TPCN1: variants seen among roughly 807,000 people sequenced by gnomAD.
TPCN1 encodes two pore segment channel 1.
Under a neutral mutation model 108.8 loss-of-function variants are expected in TPCN1, and 52 were observed. The ratio of observed to expected loss-of-function variants is 0.48; its 90% CI spans 0.38 to 0.60. The LOEUF is 0.60. TPCN1 is among the 20% of genes least tolerant of loss of function. TPCN1 has a pLI of 0.00. For synonymous variants in TPCN1, 446 were observed against 433.7 expected, an observed-to-expected ratio of 1.03 and a Z score of -0.35; for missense variants, 806 against 1,072.8, an observed-to-expected ratio of 0.75 and a Z score of 3.47.
intron 2 of TPCN1, among the ~76,000 whole-genome samples, chr12:113,242,390 G>A (rs907076663): frequency 6.6e-6 from 1 of 152,218 alleles, no homozygotes; most frequent in African/African-American, 2.4e-5. Context: ...AAACAGTGGA[G>A]GGAAAGGTGA....
rs373482286 is a variant in TPCN1 at position 113,284,661 on chromosome 12, C to T, written c.1399+24C>T. The T allele has an allele frequency of 5.0e-5, 81 of 1,614,214 alleles. No homozygotes were observed. In the African/African-American group the frequency reaches 7.2e-4, roughly 14 times the overall value. ...AGGTGAGCCCCGCTCAGGGACTGGC[C>T]GTGTCCTGGCCGGCACACCTGGCTT... On this transcript the variant is annotated intron_variant, in intron 16 of 27. Transcript: ENST00000335509. The surrounding 1 kb of genome is among the most constrained non-coding windows in gnomAD (Gnocchi z 4.1).
intron 7 of TPCN1, among the ~76,000 whole-genome samples, chr12:113,271,082 A>AC (rs1566179002): frequency 1.3e-5 from 2 of 151,138 alleles, no homozygotes; most frequent in South Asian, 2.1e-4. Context: ...AGATAGGGAG[A>AC]CCCCATCTCT....
chr12:113,245,788 G>A (rs1593107395), intron 2 of TPCN1: 1 of 365,056 alleles, frequency 2.7e-6, no homozygotes, highest in East Asian at 7.5e-5. Flanking sequence ...GCTGCCCCCT[G>A]CGCCTGCTGG....
chr12:113,286,854 A>G (rs2136733652), intron 18 of TPCN1, 133 bp from the exon 19 acceptor site: 1 of 672,934 alleles, frequency 1.5e-6, no homozygotes, highest in Admixed American at 2.3e-5. Context: ...TTCTTCCCGC[A>G]GCCGGCTGGT....
intron 19 of TPCN1, among the ~76,000 whole-genome samples, chr12:113,287,717 AC>A (rs1956130401): frequency 6.6e-6 from 1 of 151,948 alleles, no homozygotes; most frequent in East Asian, 1.9e-4. Context: ...GGAAAAGCCT[AC>A]CCCCTTGGCG....
intron 26 of TPCN1, 68 bp downstream of exon 26, chr12:113,293,141 C>T: frequency 1.2e-6 from 2 of 1,600,598 alleles, no homozygotes; most frequent in Non-Finnish European, 1.7e-6. Context: ...AATCCCTTCC[C>T]TCAGATATTG....
intron 3 of TPCN1, among the ~76,000 whole-genome samples, chr12:113,261,934 C>T (rs573189971): frequency 2.6e-5 from 4 of 151,616 alleles, no homozygotes; most frequent in African/African-American, 7.3e-5. Flanking sequence ...AAGGAATCAA[C>T]AATTTTTAGG....
rs770166925 is a variant in TPCN1, at chr12:113,227,015, C to A, written c.112+51C>A. On this transcript the variant is annotated intron_variant, in intron 2 of 27. Coordinates refer to ENST00000335509, the MANE Select transcript of TPCN1 (RefSeq NM_017901.6). ...GACCCCAGCTTTTCTGTTTCAGAGG[C>A]TGAGAGGTGATAAGCGCTTTGTGGT... 27 of 1,505,478 alleles carry A rather than the reference C, an allele frequency of 1.8e-5. No homozygotes were observed. The East Asian group carries it at 5.7e-4, about 32-fold the overall frequency. 93.3% of individuals were successfully genotyped at this position (1,505,478 alleles called of 1,614,324 possible).
At chr12:113,233,557 T>C (rs1233951513) in intron 2 of TPCN1, among the ~76,000 whole-genome samples, 1 of 152,242 alleles carries the variant, frequency 6.6e-6, no homozygotes, top group African/African-American at 2.4e-5. Flanking sequence ...TGGGTGGCTC[T>C]CCATTCTTGC....
At position 113,245,285 on chromosome 12, in the gene TPCN1, GAAAAT is replaced by G. The variant is rs1274287011; in HGVS notation, c.113-15078_113-15074del. Among the ~76,000 whole-genome samples the G allele has an allele frequency of 2.0e-5, 3 of 148,872 alleles. No homozygotes were observed. In the East Asian group the frequency reaches 6.1e-4, roughly 30 times the overall value. ...CCCTGTCTCCAAAAAAAGAAAGAAAGAAAATAAAAAGGAGAGAGGTTAGAAAAGGG... is the reference window on the plus strand; with the variant it reads ...CCCTGTCTCCAAAAAAAGAAAGAAAGAAAAAGGAGAGAGGTTAGAAAAGGG... On this transcript the variant is annotated intron_variant, in intron 2 of 27. Transcript: ENST00000335509.
At chr12:113,279,007 T>TATACC (rs2136682794) in intron 14 of TPCN1, among the ~76,000 whole-genome samples, 172 bp downstream of exon 14, 1 of 151,862 alleles carries the variant, frequency 6.6e-6, no homozygotes, top group East Asian at 1.9e-4. Context: ...GTAAGGGTGG[T>TATACC]AGGAAGCAGA....
intron 15 of TPCN1, among the ~76,000 whole-genome samples, chr12:113,283,783 C>G (rs1293896231): frequency 8.5e-5 from 13 of 152,154 alleles, no homozygotes; most frequent in Admixed American, 8.5e-4. Flanking sequence ...AAACGATCCT[C>G]CCACCTCAGC....
intron 2 of TPCN1, among the ~76,000 whole-genome samples, chr12:113,256,320 C>A (rs904448912): frequency 4.7e-5 from 7 of 150,504 alleles, no homozygotes; most frequent in Non-Finnish European, 1.0e-4. Context: ...TAGGGTCTCA[C>A]TATATTCCCC....
chr12:113,283,495 G>T (rs527676379), intron 15 of TPCN1, among the ~76,000 whole-genome samples: 2 of 152,086 alleles, frequency 1.3e-5, no homozygotes, highest in East Asian at 3.9e-4. Context: ...ATTAGCTGGC[G>T]TGGTGGTGTG....
chr12:113,257,705 C>G (rs1000615034), intron 2 of TPCN1, among the ~76,000 whole-genome samples: 2 of 152,110 alleles, frequency 1.3e-5, no homozygotes, highest in African/African-American at 4.8e-5. Context: ...ACACAAAGCC[C>G]TGAATGAATG....
chr12:113,267,509 C>T (rs1955312313), intron 4 of TPCN1, among the ~76,000 whole-genome samples: 1 of 152,056 alleles, frequency 6.6e-6, no homozygotes, highest in Non-Finnish European at 1.5e-5. Context: ...AGCGATTCTC[C>T]TGCCTCAGCC....
chr12:113,288,859 C>T lies in TPCN1; in HGVS notation c.1796+12C>T. 1 of 1,612,818 alleles carries T rather than the reference C, an allele frequency of 6.2e-7. No homozygotes were observed. The highest frequency in any genetic ancestry group is 8.5e-7 in the Non-Finnish European group (1 of 1,179,698). On this transcript the variant is annotated intron_variant, in intron 21 of 27. Coordinates refer to ENST00000335509, the MANE Select transcript of TPCN1 (RefSeq NM_017901.6). This position sits in a 1 kb window ranked among gnomAD's most constrained non-coding sequence, Gnocchi z 4.8. The stretch of plus-strand genomic sequence containing the variant: ...CCCAACTGCTGCAAGTGAGTAGGCC[C>T]CACCCAGCCCCAGGCAGCCTGCATT...
chr12:113,245,848 T>C (rs1462975957), intron 2 of TPCN1: 2 of 418,592 alleles, frequency 4.8e-6, no homozygotes, highest in Non-Finnish European at 9.7e-6. Context: ...TCTTTCCTGC[T>C]CCTCCCCAGT....
rs1422540380 is a variant in TPCN1 at position 113,284,678 on chromosome 12, AC to A, written c.1400-38del. The A allele has an allele frequency of 6.2e-7, 1 of 1,614,110 alleles. No individual in the cohort carries two copies. The highest frequency in any genetic ancestry group is 8.5e-7 in the Non-Finnish European group (1 of 1,180,052). ...GGACTGGCCGTGTCCTGGCCGGCAC[AC>A]CTGGCTTACCTGTGAGCTGCTACTT... is the stretch of plus-strand genomic sequence containing the variant. On this transcript the variant is annotated intron_variant, in intron 16 of 27. Transcript: ENST00000335509. The surrounding 1 kb of genome is among the most constrained non-coding windows in gnomAD (Gnocchi z 4.1).
Sources: allele counts gnomAD v4.1 joint callset (sites outside exome capture counted in the v4.1 genomes callset), GRCh38; gene constraint gnomAD v4.1.1; non-coding constraint Gnocchi (gnomAD v3.1); transcripts MANE v1.5; gene names NCBI Gene and HGNC (gene_info 2026-07-23, HGNC 2026-07-21).